Variants in MAP3K15 observed in about 807,000 individuals in gnomAD.
The protein encoded by MAP3K15 is mitogen-activated protein kinase kinase kinase 15.
MAP3K15 carries 124 observed loss-of-function variants against 99.5 expected under a neutral mutation model. The ratio of observed to expected loss-of-function variants is 1.25; its 90% confidence interval spans 1.08 to 1.45. MAP3K15 has a LOEUF of 1.45. Ranked by LOEUF, MAP3K15 falls within the 40% of genes most tolerant of loss-of-function variation. MAP3K15 has a pLI of 0.00. For missense variants in MAP3K15, 1,242 were observed against 1,079.7 expected, an observed-to-expected ratio of 1.15 and a Z score of -2.11; for synonymous variants, 494 against 439.6, an observed-to-expected ratio of 1.12 and a Z score of -1.55.
intron 1 of MAP3K15, among the ~76,000 whole-genome samples, chrX:19,489,216 T>C (rs187317830): frequency 3.2e-3 from 362 of 111,896 alleles, no homozygotes; most frequent in Non-Finnish European, 4.6e-3. Context: ...CTGATGGATT[T>C]TTAATGTTAT....
chrX:19,396,814 T>C (rs1004533677), intron 15 of MAP3K15, among the ~76,000 whole-genome samples: 2 of 111,921 alleles, frequency 1.8e-5, no homozygotes, highest in Admixed American at 9.5e-5. Context: ...CCCGGAATGA[T>C]TAATTCCAAC....
At chrX:19,487,933 G>A (rs954697782) in intron 2 of MAP3K15, among the ~76,000 whole-genome samples, 2 of 110,539 alleles carry the variant, frequency 1.8e-5, no homozygotes, top group Admixed American at 1.9e-4. Context: ...ACATTTGGGA[G>A]GTTAAAAAAA....
At chrX:19,466,808 GA>G (rs1302146241) in intron 3 of MAP3K15, 4 of 111,571 alleles carry the variant, frequency 3.6e-5, no homozygotes, top group African/African-American at 1.3e-4. Flanking sequence ...AGTTGGACTG[GA>G]AGTGTAAGGA....
intron 1 of MAP3K15, among the ~76,000 whole-genome samples, chrX:19,490,180 C>CACACACACACACATAT (rs1478553894): frequency 1.1e-5 from 1 of 95,121 alleles, no homozygotes; most frequent in Middle Eastern, 5.1e-3. Flanking sequence ...CACACACACA[C>CACACACACACACATAT]ACACATACAT....
chrX:19,442,975 C>T (rs1464005166), intron 6 of MAP3K15, among the ~76,000 whole-genome samples: 1 of 100,662 alleles, frequency 9.9e-6, no homozygotes, highest in African/African-American at 3.7e-5. Flanking sequence ...CCACCTGCCT[C>T]GACCTCCCAA....
chrX:19,414,083 C>CCCA (rs2063712811), intron 10 of MAP3K15, among the ~76,000 whole-genome samples: 1 of 106,119 alleles, frequency 9.4e-6, no homozygotes, highest in East Asian at 3.0e-4. Context: ...ATCACTTGAA[C>CCCA]CCAGGAGGCG....
At chrX:19,413,255 A>G (rs2063703522) in intron 11 of MAP3K15, 102 bp downstream of exon 11, 1 of 563,024 alleles carries the variant, frequency 1.8e-6, no homozygotes, top group African/African-American at 2.3e-5. Flanking sequence ...ATATATTCTC[A>G]TAATTCAGAA....
Position 19,515,140 on chromosome X carries a change from G to T in MAP3K15, c.122C>A (p.Ala41Glu). The change falls in exon 1 of 29, where the codon GCG (alanine) becomes GAG (glutamate). Residue 41 changes from alanine (A) to glutamate (E), a missense_variant. Physicochemically the swap from Ala to Glu is moderately radical, Grantham distance 107. Transcript: ENST00000338883. The stretch of plus-strand genomic sequence containing the variant: ...GCCGCTGCCGCCTGCCGCGCCCTCC[G>T]CCGCCCCGTCGGGCTCCGCCGGCCC... ...AAGPAEPDGA[A>E]EGAAGGSGEG... The T allele has an allele frequency of 1.3e-6, 1 of 793,404 alleles. No individual in the cohort carries two copies. The highest frequency in any genetic ancestry group is 1.5e-6 in the Non-Finnish European group (1 of 654,259). The allele number at this position is 793,404 out of a possible 1,213,427, so 65.4% of individuals were successfully genotyped here. A position where few individuals can be genotyped will look rare whatever the true frequency, so the allele number is the denominator to read the frequency against.
rs2063268800 is a variant in MAP3K15 at position 19,360,434 on chromosome X, C to T, written c.*315G>A. 4.6e-6 allele frequency: 1 copy of T among 216,939 alleles called. No individual in the cohort carries two copies. The highest frequency in any genetic ancestry group is 5.9e-5 in the South Asian group (1 of 16,860). 17.9% of individuals were successfully genotyped at this position (216,939 alleles called of 1,213,427 possible). A position where few individuals can be genotyped will look rare whatever the true frequency, so the allele number is the denominator to read the frequency against. On this transcript the variant is annotated 3_prime_UTR_variant, in exon 29 of 29. Coordinates refer to ENST00000338883, the MANE Select transcript of MAP3K15 (RefSeq NM_001001671.4). ...GTGGTGTGATCATGGCTCACTGCAGCCTCCACACCTCCTGGGCTCAAGCAA... is the reference window on the plus strand; with the variant it reads ...GTGGTGTGATCATGGCTCACTGCAGTCTCCACACCTCCTGGGCTCAAGCAA...
chrX:19,411,999 T>A (rs961938785), intron 11 of MAP3K15, among the ~76,000 whole-genome samples: 6 of 111,883 alleles, frequency 5.4e-5, no homozygotes, highest in Non-Finnish European at 1.1e-4. Context: ...AAAGGCTAAG[T>A]GTACTTCAGA....
chrX:19,472,405 C>T (rs1026796779), intron 3 of MAP3K15, among the ~76,000 whole-genome samples: 12 of 111,240 alleles, frequency 1.1e-4, no homozygotes, highest in African/African-American at 3.9e-4. Flanking sequence ...TTCCTCTTTT[C>T]TTCTCTTAAC....
intron 11 of MAP3K15, among the ~76,000 whole-genome samples, chrX:19,410,217 T>C (rs2063677029): frequency 8.9e-6 from 1 of 112,606 alleles, no homozygotes; most frequent in Non-Finnish European, 1.9e-5. Context: ...AAGTTTCAGA[T>C]AGAAATAATA....
At chrX:19,427,797 A>T (rs1391098137) in intron 7 of MAP3K15, among the ~76,000 whole-genome samples, 3 of 111,319 alleles carry the variant, frequency 2.7e-5, no homozygotes, top group Non-Finnish European at 5.7e-5. Context: ...AATTCTTGAA[A>T]GGAGAAGTTA....
Position 19,407,249 on chromosome X carries a change from A to T in MAP3K15, c.1783T>A (p.Tyr595Asn), listed in dbSNP as rs1452990566. ...SKFDERCCFL[Y>N]VHDNSDDFQI... is the part of the protein sequence containing the mutation. ...AAGTCATCAGAATTATCATGGACAT[A>T]AAGAAAACAACACCTTTCATCAAAC... The change falls in exon 13 of 29, where the codon TAT becomes AAT. Residue 595 changes from tyrosine (Y) to asparagine (N), a missense_variant. Physicochemically the swap from Tyr to Asn is moderately radical, Grantham distance 143. Coordinates refer to ENST00000338883, the MANE Select transcript of MAP3K15 (RefSeq NM_001001671.4). The T allele has an allele frequency of 1.7e-6, 2 of 1,197,308 alleles. No homozygotes were observed. Among genetic ancestry groups the T allele is most frequent in the South Asian group, 3.7e-5 (2 of 54,621 alleles).
intron 9 of MAP3K15, among the ~76,000 whole-genome samples, chrX:19,424,309 C>CAT (rs201105949): frequency 4.9e-5 from 5 of 103,076 alleles, no homozygotes; most frequent in Admixed American, 1.1e-4. Flanking sequence ...TATATACACA[C>CAT]ATATATATAC....
At position 19,408,313 on chromosome X, in the gene MAP3K15, T is replaced by A. The variant is rs1056478412; in HGVS notation, c.1749-1030A>T. 9.8e-5 allele frequency among the ~76,000 whole-genome samples: 11 copies of A among 111,762 alleles called. 1 individual carries two copies. The highest frequency in any genetic ancestry group is 1.9e-4 in the Admixed American group (2 of 10,468). On this transcript the variant is annotated intron_variant, in intron 12 of 28. Transcript: ENST00000338883. ...CTATGAGGAGGCACAAACAGAAGGA[T>A]CTTGACTACCTGCTCTAACACAACT...
chrX:19,399,424 C>G (rs775644384), intron 14 of MAP3K15, among the ~76,000 whole-genome samples: 13 of 111,470 alleles, frequency 1.2e-4, no homozygotes, highest in African/African-American at 3.9e-4. Context: ...ATTAGCCAGG[C>G]GTGGTGGCAC....
At chrX:19,413,955 G>C (rs1602285700) in intron 10 of MAP3K15, among the ~76,000 whole-genome samples, 1 of 109,823 alleles carries the variant, frequency 9.1e-6, no homozygotes, top group East Asian at 2.9e-4. Context: ...GAGGTCAGGA[G>C]TTCGAGACCA....
intron 25 of MAP3K15, 81 bp from the exon 26 acceptor site, chrX:19,362,931 A>G: frequency 1.8e-6 from 1 of 546,614 alleles, no homozygotes; most frequent in Non-Finnish European, 3.0e-6. Context: ...TCTGTTGTGC[A>G]TACATTAGAG....
Sources: allele counts gnomAD v4.1 joint callset (sites outside exome capture counted in the v4.1 genomes callset), GRCh38; gene constraint gnomAD v4.1.1; transcripts MANE v1.5; gene names NCBI Gene and HGNC (gene_info 2026-07-23, HGNC 2026-07-21).